The following TEX10 variants were observed in gnomAD, a reference collection of about 807,000 sequenced individuals.
TEX10 encodes testis-expressed protein 10.
Under a neutral mutation model 104.4 loss-of-function variants are expected in TEX10, and 24 were observed. The ratio of observed to expected loss-of-function variants is 0.23; its 90% confidence interval spans 0.17 to 0.32. TEX10 has a LOEUF of 0.32. Ranked by LOEUF, TEX10 falls within the 10% of genes least tolerant of loss-of-function variation. The pLI is 1.00. For synonymous variants in TEX10, 396 were observed against 393.4 expected (o/e 1.01, Z -0.08); for missense variants, 921 against 1,083.9 (o/e 0.85, Z 2.11).
At chr9:100,303,953 A>C in intron 13 of TEX10, 111 bp from the exon 14 acceptor site, 3 of 1,041,112 alleles carry the variant, frequency 2.9e-6, no homozygotes, top group Non-Finnish European at 4.3e-6. Flanking sequence ...TTTTCCAATA[A>C]CATTTAAACT....
chr9:100,310,764 T>A (rs1834258063), intron 11 of TEX10, among the ~76,000 whole-genome samples: 1 of 152,214 alleles, frequency 6.6e-6, no homozygotes, highest in South Asian at 2.1e-4. Flanking sequence ...ACCTACTTGC[T>A]CTACATATTA....
At chr9:100,319,839 G>A (rs1564207272) in intron 11 of TEX10, among the ~76,000 whole-genome samples, 1 of 152,036 alleles carries the variant, frequency 6.6e-6, no homozygotes, top group East Asian at 1.9e-4. Context: ...TAAAAAATAA[G>A]ACTTGTAAAA....
At chr9:100,311,297 G>C (rs1834275476) in intron 11 of TEX10, among the ~76,000 whole-genome samples, 1 of 152,062 alleles carries the variant, frequency 6.6e-6, no homozygotes, top group South Asian at 2.1e-4. Flanking sequence ...CAGGAGGTTG[G>C]GACAGGAGGA....
chr9:100,352,942 G>A lies in TEX10; in HGVS notation c.-180C>T, dbSNP rs1042998117. The A allele has an allele frequency of 3.9e-5, 39 of 991,668 alleles. No homozygotes were observed. Among genetic ancestry groups the A allele is most frequent in the African/African-American group, 1.7e-4 (10 of 57,298 alleles). The allele number at this position is 991,668 out of a possible 1,614,324, so 61.4% of individuals were successfully genotyped here. ...TCTCCTTCCGCCGCCCGGAAATCAG[G>A]GCCCCTCCCCCTCCCTGCTGTGCTC... On this transcript the variant is annotated 5_prime_UTR_variant, in exon 1 of 15. Coordinates refer to ENST00000374902, the MANE Select transcript of TEX10 (RefSeq NM_017746.4).
chr9:100,331,861 G>A (rs746201906), intron 5 of TEX10, among the ~76,000 whole-genome samples: 17 of 152,320 alleles, frequency 1.1e-4, no homozygotes, highest in South Asian at 2.1e-4. Flanking sequence ...CTGGGAGAAG[G>A]AGAGCATTTA....
At chr9:100,310,058 CTGATTTAGA>C (rs773117690) in intron 12 of TEX10, among the ~76,000 whole-genome samples, 2 of 152,178 alleles carry the variant, frequency 1.3e-5, no homozygotes, top group Non-Finnish European at 2.9e-5. Context: ...CCTTATTTCA[CTGATTTAGA>C]AAAGTGAGGT....
At chr9:100,342,104 C>T (rs1332971249) in intron 4 of TEX10, among the ~76,000 whole-genome samples, 1 of 152,212 alleles carries the variant, frequency 6.6e-6, no homozygotes, top group Non-Finnish European at 1.5e-5. Context: ...ATATGCGAAG[C>T]CTGTTCTCAC....
chr9:100,318,078 T>C (rs923825390), intron 11 of TEX10, among the ~76,000 whole-genome samples: 2 of 152,034 alleles, frequency 1.3e-5, no homozygotes, highest in Admixed American at 1.3e-4. Context: ...TAACTGAAAA[T>C]AGAACTACCA....
intron 11 of TEX10, among the ~76,000 whole-genome samples, chr9:100,317,811 G>T (rs1481052320): frequency 6.6e-6 from 1 of 152,080 alleles, no homozygotes; most frequent in African/African-American, 2.4e-5. Flanking sequence ...CCGTTAAAAA[G>T]TAGACAAAAG....
chr9:100,310,607 T>G (rs1245940474), intron 11 of TEX10, among the ~76,000 whole-genome samples: 1 of 152,034 alleles, frequency 6.6e-6, no homozygotes, highest in Non-Finnish European at 1.5e-5. Flanking sequence ...CTGGCTAATT[T>G]TTGTATTCTT....
rs1458713554 is a variant in TEX10, at chr9:100,349,269, T to C, written c.95A>G (p.Asn32Ser). 6.2e-7 allele frequency: 1 copy of C among 1,608,116 alleles called. No homozygotes were observed. Among genetic ancestry groups the C allele is most frequent in the South Asian group, 1.1e-5 (1 of 88,646 alleles). Residue 32 changes from asparagine to serine, a missense_variant, in exon 2 of 15, where the codon AAC becomes AGC. By Grantham distance (46) the Asn-to-Ser change is conservative. This residue lies in a region of TEX10 where 118 missense variants were observed against 111.3 expected (regional missense o/e 1.06). Coordinates refer to ENST00000374902, the MANE Select transcript of TEX10 (RefSeq NM_017746.4). ...CAGATGTATAGTCTTTGTTTTAAAG[T>C]TTGTAGGAGTAGCATTTTGTAACTT... ...KPKLQNATPT[N>S]FKTKTIHLPE...
chr9:100,346,773 G>A lies in TEX10; in HGVS notation c.814C>T (p.His272Tyr). Residue 272 changes from histidine (H) to tyrosine (Y), a missense_variant, in exon 3 of 15, where the codon CAT (histidine) becomes TAT (tyrosine). This residue lies in a region of TEX10 where 753 missense variants were observed against 868.4 expected (regional missense o/e 0.87). Transcript: ENST00000374902. The stretch of plus-strand genomic sequence containing the variant: ...TGGATGTGTTGCTGGTCGTTGGCAT[G>A]TTCCTTCCAGTTGATAAAAATGGAG... ...SNSIFINWKE[H>Y]ANDQQHIQVY... 6.2e-7 allele frequency: 1 copy of A among 1,614,186 alleles called. No individual in the cohort carries two copies. The highest frequency in any genetic ancestry group is 8.5e-7 in the Non-Finnish European group (1 of 1,180,022).
chr9:100,324,916 T>C (rs1397248425), intron 9 of TEX10, among the ~76,000 whole-genome samples: 1 of 152,172 alleles, frequency 6.6e-6, no homozygotes, highest in Non-Finnish European at 1.5e-5. Flanking sequence ...AGTTTTTTAA[T>C]ATCTAAAAAG....
intron 5 of TEX10, among the ~76,000 whole-genome samples, chr9:100,332,240 C>T (rs1204267361): frequency 6.6e-6 from 1 of 152,142 alleles, no homozygotes; most frequent in Non-Finnish European, 1.5e-5. Context: ...AATTAAGAAT[C>T]CTATCATTAA....
intron 13 of TEX10, chr9:100,305,855 A>G (rs1198078295): frequency 6.6e-6 from 1 of 152,198 alleles, no homozygotes; most frequent in Non-Finnish European, 1.5e-5. Flanking sequence ...TGCAAATGTC[A>G]AACTATCCTA....
intron 4 of TEX10, among the ~76,000 whole-genome samples, chr9:100,341,554 G>C (rs1398580786): frequency 6.6e-6 from 1 of 151,792 alleles, no homozygotes; most frequent in African/African-American, 2.4e-5. Context: ...CATACCAACA[G>C]TCTGGCTGGC....
chr9:100,302,232 C>T lies in TEX10; in HGVS notation c.2749G>A (p.Gly917Arg). The change falls in exon 15 of 15, where the codon GGG becomes AGG. Residue 917 changes from glycine (G) to arginine (R), a missense_variant. Coordinates refer to ENST00000374902, the MANE Select transcript of TEX10 (RefSeq NM_017746.4). The stretch of plus-strand genomic sequence containing the variant: ...AGTGCACTGGGCCCTTGGGGATGCC[C>T]AGTGATATACACGTTGAAGCAGTAA... ...LHYCFNVYIT[G>R]HPQGPSALAT... is the part of the protein sequence containing the mutation. The T allele has an allele frequency of 1.2e-6, 2 of 1,613,002 alleles. No homozygotes were observed. The highest frequency in any genetic ancestry group is 1.7e-6 in the Non-Finnish European group (2 of 1,179,346).
Position 100,347,049 on chromosome 9 carries a change from T to A in TEX10, c.538A>T (p.Ser180Cys). 7 of 1,614,190 alleles carry A rather than the reference T, an allele frequency of 4.3e-6. No individual in the cohort carries two copies. The highest frequency in any genetic ancestry group is 5.9e-6 in the Non-Finnish European group (7 of 1,180,018). Residue 180 changes from serine (S) to cysteine (C), a missense_variant, in exon 3 of 15, where the codon AGC (serine) becomes TGC (cysteine). Ser to Cys is a moderately radical substitution (Grantham distance 112). Around this residue, in one of 3 missense-constraint regions of TEX10, gnomAD observed 50 missense variants for 104.2 expected, o/e 0.48. Coordinates refer to ENST00000374902, the MANE Select transcript of TEX10 (RefSeq NM_017746.4). ...QYPALITGRS[S>C]ILLKNFVELI... Reference sequence around the variant, plus strand: ...TCTACAAAATTCTTAAGCAATATGCTGCTACGGCCAGTAATTAGAGCTGGG... The same window carrying A: ...TCTACAAAATTCTTAAGCAATATGCAGCTACGGCCAGTAATTAGAGCTGGG...
At chr9:100,320,189 C>T in intron 11 of TEX10, 76 bp downstream of exon 11, 1 of 1,350,248 alleles carries the variant, frequency 7.4e-7, no homozygotes. Flanking sequence ...CACAAGGCAA[C>T]TCATATATAG....
Sources: gnomAD v4.1 joint callset for allele counts (sites outside exome capture counted in the v4.1 genomes callset) on GRCh38, gnomAD v4.1.1 for gene constraint, gnomAD v4.1.1 regional missense constraint, MANE v1.5 for transcripts, NCBI Gene and HGNC (gene_info 2026-07-23, HGNC 2026-07-21) for gene names.